CDHR3: variants seen among roughly 807,000 people sequenced by gnomAD.
CDHR3 encodes the protein cadherin-related family member 3.
CDHR3 carries 79 observed loss-of-function variants against 86.6 expected under a neutral mutation model. That is an observed-to-expected ratio of 0.91 (90% CI 0.76 to 1.10). The LOEUF is 1.10. Among genes scored for constraint, CDHR3 ranks in the 50% least tolerant of loss-of-function variants. CDHR3 has a pLI of 0.00. For synonymous variants in CDHR3, 421 were observed against 402.4 expected (o/e 1.05, Z -0.55); for missense variants, 1,081 against 1,077.6 (o/e 1.00, Z -0.04).
chr7:105,995,600 G>A (rs185055990), intron 5 of CDHR3, among the ~76,000 whole-genome samples: 40 of 152,300 alleles, frequency 2.6e-4, no homozygotes, highest in African/African-American at 9.4e-4. Flanking sequence ...GTCCACTGGC[G>A]AAGACTGGTA....
intron 8 of CDHR3, chr7:106,004,923 A>G (rs1833742161): frequency 3.7e-6 from 2 of 545,502 alleles, no homozygotes; most frequent in Non-Finnish European, 6.4e-6. Flanking sequence ...CTTACTCTTA[A>G]GAATTATTTT....
intron 1 of CDHR3, among the ~76,000 whole-genome samples, chr7:105,968,567 G>T (rs192914434): frequency 6.6e-5 from 10 of 152,132 alleles, no homozygotes; most frequent in African/African-American, 2.4e-4. Context: ...CACCATGTCG[G>T]CCAGGCTAGT....
intron 3 of CDHR3, among the ~76,000 whole-genome samples, chr7:105,982,876 A>C (rs1344019603): frequency 6.6e-6 from 1 of 151,456 alleles, no homozygotes; most frequent in African/African-American, 2.4e-5. Context: ...CCAGCTACTC[A>C]GGAGGCTGAG....
intron 1 of CDHR3, among the ~76,000 whole-genome samples, chr7:105,972,361 T>C (rs1375005002): frequency 6.6e-6 from 1 of 152,164 alleles, no homozygotes; most frequent in Non-Finnish European, 1.5e-5. Flanking sequence ...GAGAAAAACA[T>C]AGCAAGTTCT....
Position 106,015,179 on chromosome 7 carries a change from C to T in CDHR3, c.1293C>T (p.Ile431=). 1 of 1,611,134 alleles carries T rather than the reference C, an allele frequency of 6.2e-7. No individual in the cohort carries two copies. Among genetic ancestry groups the T allele is most frequent in the Non-Finnish European group, 8.5e-7 (1 of 1,178,754 alleles). ...CCGGCAATAAATATACGGTGATAAT[C>T]CAGGTGCAGGATGTGGCCCCCCCTT... The part of the protein sequence containing the change: ...LAAGNKYTVI[I]QVQDVAPPYY... The change falls in exon 10 of 19, where the codon ATC becomes ATT. Residue 431 remains isoleucine, a synonymous_variant. Coordinates refer to ENST00000317716, the MANE Select transcript of CDHR3 (RefSeq NM_152750.5).
chr7:105,970,583 T>C (rs1827789087), intron 1 of CDHR3, among the ~76,000 whole-genome samples: 1 of 152,152 alleles, frequency 6.6e-6, no homozygotes, highest in Non-Finnish European at 1.5e-5. Flanking sequence ...GGAAGGAAAG[T>C]ATGCGGTGTT....
At chr7:105,998,658 G>A (rs1430208916) in intron 6 of CDHR3, among the ~76,000 whole-genome samples, 2 of 152,080 alleles carry the variant, frequency 1.3e-5, no homozygotes, top group East Asian at 3.9e-4. Context: ...AGGCATGGTG[G>A]CTGTAATCCC....
At chr7:106,026,983 C>A (rs1217172452) in intron 16 of CDHR3, among the ~76,000 whole-genome samples, 3 of 152,178 alleles carry the variant, frequency 2.0e-5, no homozygotes, top group Non-Finnish European at 4.4e-5. Context: ...TCCCTTGCTG[C>A]ATGGCACAGG....
At chr7:105,970,047 A>AT (rs902600181) in intron 1 of CDHR3, among the ~76,000 whole-genome samples, 13 of 152,112 alleles carry the variant, frequency 8.5e-5, no homozygotes, top group African/African-American at 3.1e-4. Flanking sequence ...CACAGAACTG[A>AT]TTTTGTTCAC....
chr7:106,029,778 A>T (rs1459642393), intron 17 of CDHR3, among the ~76,000 whole-genome samples: 2 of 152,112 alleles, frequency 1.3e-5, no homozygotes, highest in African/African-American at 4.8e-5. Flanking sequence ...TCCATCCCCT[A>T]AGTCTTCTAT....
rs368555767 is a variant in CDHR3, at chr7:106,030,802, A to G, written c.2315A>G (p.Gln772Arg). The change falls in exon 18 of 19, where the codon CAG (glutamine) becomes CGG (arginine). Residue 772 changes from glutamine (Q) to arginine (R), a missense_variant. Gln to Arg is a conservative substitution (Grantham distance 43). Transcript: ENST00000317716. This position sits in a 1 kb window ranked among gnomAD's most constrained non-coding sequence, Gnocchi z 4.8. ...AERDVVVETI[Q>R]MNTIFDGEAI... The stretch of plus-strand genomic sequence containing the variant: ...CTGTCTTCTCCTTAGGAAACTATCC[A>G]GATGAACACTATCTTTGATGGAGAA... 288 of 1,611,528 alleles carry G rather than the reference A, an allele frequency of 1.8e-4. 1 individual carries two copies. The highest frequency in any genetic ancestry group is 2.3e-4 in the Non-Finnish European group (271 of 1,178,888).
chr7:106,011,936 C>T (rs1369713623), intron 8 of CDHR3, among the ~76,000 whole-genome samples: 1 of 152,206 alleles, frequency 6.6e-6, no homozygotes, highest in Non-Finnish European at 1.5e-5. Flanking sequence ...TTAGGAGGCC[C>T]TTCTAGGCCA....
chr7:106,023,553 C>T (rs1398933469), intron 14 of CDHR3, among the ~76,000 whole-genome samples: 1 of 152,140 alleles, frequency 6.6e-6, no homozygotes, highest in African/African-American at 2.4e-5. Flanking sequence ...CCTCTTCCTC[C>T]TCCTCCTCCT....
At chr7:105,994,965 C>A in intron 5 of CDHR3, 120 bp downstream of exon 5, 1 of 744,862 alleles carries the variant, frequency 1.3e-6, no homozygotes, top group Non-Finnish European at 2.3e-6. Context: ...CAGTCTACAG[C>A]GTCATTGTAA....
intron 17 of CDHR3, 91 bp downstream of exon 17, chr7:106,028,673 G>C (rs1285911964): frequency 1.4e-6 from 2 of 1,399,582 alleles, no homozygotes; most frequent in Non-Finnish European, 2.0e-6. Flanking sequence ...CAGCCTTGTG[G>C]GCATGTTTAT....
At position 106,018,057 on chromosome 7, in the gene CDHR3, C is replaced by T. The variant is rs1835933063; in HGVS notation, c.1638C>T (p.Asp546=). ...GAATCCAGGCCACCAACAACGAAGA[C>T]ACAAGCTCTGTCACTGTGAGTGGTG... is the stretch of plus-strand genomic sequence containing the variant. ...ILRIQATNNE[D]TSSVTVTVNI... The change falls in exon 12 of 19, where the codon GAC becomes GAT. Residue 546 remains aspartate, a synonymous_variant. Coordinates refer to ENST00000317716, the MANE Select transcript of CDHR3 (RefSeq NM_152750.5). 1.2e-6 allele frequency: 2 copies of T among 1,613,568 alleles called. No individual in the cohort carries two copies. Among genetic ancestry groups the T allele is most frequent in the African/African-American group, 1.3e-5 (1 of 74,894 alleles).
At chr7:105,970,793 A>G (rs1379595316) in intron 1 of CDHR3, among the ~76,000 whole-genome samples, 2 of 152,042 alleles carry the variant, frequency 1.3e-5, no homozygotes, top group African/African-American at 2.4e-5. Context: ...TACTACTACT[A>G]CTTCTTTTAC....
At chr7:105,987,419 T>C (rs1830682743) in intron 4 of CDHR3, among the ~76,000 whole-genome samples, 1 of 152,206 alleles carries the variant, frequency 6.6e-6, no homozygotes, top group Non-Finnish European at 1.5e-5. Context: ...TTTCTCAGAT[T>C]AGGAAAAGGT....
intron 16 of CDHR3, among the ~76,000 whole-genome samples, 178 bp downstream of exon 16, chr7:106,026,873 G>A (rs55792668): frequency 2.3e-4 from 35 of 152,146 alleles, no homozygotes; most frequent in African/African-American, 8.2e-4. Context: ...TGGGAAGGGT[G>A]GGGGGACAGT....
Sources: allele counts gnomAD v4.1 joint callset (sites outside exome capture counted in the v4.1 genomes callset), GRCh38; gene constraint gnomAD v4.1.1; non-coding constraint Gnocchi (gnomAD v3.1); transcripts MANE v1.5; gene names NCBI Gene and HGNC (gene_info 2026-07-23, HGNC 2026-07-21).